SOX6: variants seen among roughly 807,000 people sequenced by gnomAD.
The protein encoded by SOX6 is transcription factor SOX-6.
In SOX6, 11 loss-of-function variants were observed where a neutral mutation model predicts 97.8. The observed-to-expected ratio is 0.11, with a 90% CI of 0.07 to 0.19. The LOEUF (loss-of-function observed/expected upper bound fraction) is 0.19, where lower values mean the gene tolerates loss of function less well. SOX6 is among the 10% of genes least tolerant of loss of function. The pLI is 1.00. For missense variants in SOX6, 810 were observed against 1,039.5 expected (o/e 0.78, Z 3.04); for synonymous variants, 360 against 371.4 (o/e 0.97, Z 0.35).
At chr11:16,690,251 C>T (rs1400273870) in intron 3 of SOX6, among the ~76,000 whole-genome samples, 1 of 152,184 alleles carries the variant, frequency 6.6e-6, no homozygotes, top group Non-Finnish European at 1.5e-5. Context: ...GTGTTTTTAT[C>T]TTCTCTGAGT....
At chr11:16,461,128 C>T (rs1167782459) in intron 1 of SOX6, among the ~76,000 whole-genome samples, 1 of 152,078 alleles carries the variant, frequency 6.6e-6, no homozygotes, top group African/African-American at 2.4e-5. Context: ...ACAATCATTT[C>T]CCTCTGACTT....
chr11:16,028,915 G>C (rs1358052942), intron 12 of SOX6, among the ~76,000 whole-genome samples: 2 of 152,182 alleles, frequency 1.3e-5, no homozygotes, highest in Admixed American at 1.3e-4. Flanking sequence ...ATTTTGGGTA[G>C]AGCTTTGTGT....
intron 3 of SOX6, among the ~76,000 whole-genome samples, chr11:16,259,302 T>C (rs1853800198): frequency 6.6e-6 from 1 of 152,022 alleles, no homozygotes; most frequent in African/African-American, 2.4e-5. Flanking sequence ...AATAAATAGA[T>C]GGACATATTC....
chr11:16,614,015 C>T (rs1409904013), intron 3 of SOX6, among the ~76,000 whole-genome samples: 2 of 152,144 alleles, frequency 1.3e-5, no homozygotes, highest in African/African-American at 4.8e-5. Context: ...GGAGTGAGAG[C>T]TAAAACTTCC....
intron 12 of SOX6, among the ~76,000 whole-genome samples, chr11:16,042,441 T>C (rs1855696551): frequency 6.6e-6 from 1 of 152,196 alleles, no homozygotes; most frequent in Non-Finnish European, 1.5e-5. Context: ...TGCTTCGCTG[T>C]TTTTATTTAT....
At chr11:16,273,706 T>C (rs1356736527) in intron 3 of SOX6, among the ~76,000 whole-genome samples, 1 of 151,970 alleles carries the variant, frequency 6.6e-6, no homozygotes, top group Non-Finnish European at 1.5e-5. Context: ...TAAAGAAAGA[T>C]GTCACATACG....
At chr11:16,618,463 TGTGA>T (rs760317800) in intron 3 of SOX6, among the ~76,000 whole-genome samples, 4 of 151,828 alleles carry the variant, frequency 2.6e-5, no homozygotes, top group African/African-American at 7.2e-5. Flanking sequence ...ATGAATACTA[TGTGA>T]GTATTTTTTT....
chr11:16,321,095 C>A (rs1031902466), intron 2 of SOX6, among the ~76,000 whole-genome samples: 1 of 152,088 alleles, frequency 6.6e-6, no homozygotes, highest in Non-Finnish European at 1.5e-5. Context: ...TCATTCTCCA[C>A]TTGTGTGAAT....
chr11:16,539,634 G>A (rs943671404), intron 4 of SOX6, among the ~76,000 whole-genome samples: 2 of 151,890 alleles, frequency 1.3e-5, no homozygotes, highest in African/African-American at 2.4e-5. Context: ...AATGATAAAG[G>A]GGATATCACC....
rs1450216946 is a variant in SOX6 at position 16,107,353 on chromosome 11, A to T, written c.898+4450T>A. Among the ~76,000 whole-genome samples the T allele has an allele frequency of 2.0e-5, 3 of 149,330 alleles. No individual in the cohort carries two copies. The East Asian group carries it at 5.8e-4, about 29-fold the overall frequency. On this transcript the variant is annotated intron_variant, in intron 7 of 15. Transcript: ENST00000683767. ...AGAAACAAACTAAGTGCCTATCAAC[A>T]GATGAACAGATAAACAAAATGTGAT...
At chr11:16,536,646 T>G (rs773059414) in intron 4 of SOX6, among the ~76,000 whole-genome samples, 3 of 152,170 alleles carry the variant, frequency 2.0e-5, no homozygotes, top group Non-Finnish European at 2.9e-5. Context: ...ACCAGGAGAT[T>G]CCCTCCCATG....
intron 2 of SOX6, among the ~76,000 whole-genome samples, chr11:16,326,276 A>T (rs1245199728): frequency 6.6e-6 from 1 of 152,038 alleles, no homozygotes; most frequent in Non-Finnish European, 1.5e-5. Flanking sequence ...ATTTGCCATG[A>T]TTTCCAGACC....
intron 3 of SOX6, among the ~76,000 whole-genome samples, chr11:16,299,481 AT>A (rs1264065150): frequency 6.6e-6 from 1 of 152,198 alleles, no homozygotes; most frequent in African/African-American, 2.4e-5. Flanking sequence ...GCTTCCCAAA[AT>A]CTGAAATACA....
At chr11:16,683,827 A>G (rs1847947457) in intron 3 of SOX6, among the ~76,000 whole-genome samples, 1 of 152,220 alleles carries the variant, frequency 6.6e-6, no homozygotes, top group South Asian at 2.1e-4. Context: ...AATTTTTGCA[A>G]TCTACCCATC....
chr11:16,542,416 A>G (rs1861422978), intron 4 of SOX6, among the ~76,000 whole-genome samples: 1 of 152,234 alleles, frequency 6.6e-6, no homozygotes, highest in South Asian at 2.1e-4. Flanking sequence ...ATACCTATGT[A>G]ACAAACCTGC....
intron 4 of SOX6, among the ~76,000 whole-genome samples, chr11:16,582,718 T>C (rs1359957911): frequency 6.6e-6 from 1 of 152,032 alleles, no homozygotes; most frequent in East Asian, 1.9e-4. Flanking sequence ...TAAATCTAGA[T>C]AAAATAGTGG....
In SOX6 at chr11:16,640,889, T is replaced by C. The variant is rs576494482; in HGVS notation, n.430-28629A>G. On this transcript the variant is annotated intron_variant and non_coding_transcript_variant, in intron 3 of 5. Coordinates refer to the SOX6 transcript ENST00000524520. ...CCTGGATTCATTGATTTTTTAAGGG[T>C]TTTTTGTGTCTCTATCTCCTTCAGC... is the stretch of plus-strand genomic sequence containing the variant. Among the ~76,000 whole-genome samples the C allele has an allele frequency of 2.4e-4, 36 of 152,234 alleles. No individual in the cohort carries two copies. In the East Asian group the frequency reaches 6.6e-3, roughly 28 times the overall value.
intron 4 of SOX6, among the ~76,000 whole-genome samples, chr11:16,495,642 A>G (rs1011865904): frequency 6.6e-6 from 1 of 152,194 alleles, no homozygotes; most frequent in African/African-American, 2.4e-5. Flanking sequence ...GTTGTGAGCC[A>G]AAAGGTTGTT....
At chr11:16,708,111 GA>G (rs1848150944) in intron 3 of SOX6, among the ~76,000 whole-genome samples, 1 of 152,078 alleles carries the variant, frequency 6.6e-6, no homozygotes, top group Non-Finnish European at 1.5e-5. Flanking sequence ...TTATAGTTTG[GA>G]AAGGGGAAAC....
Sources: gnomAD v4.1 joint callset for allele counts (sites outside exome capture counted in the v4.1 genomes callset) on GRCh38, gnomAD v4.1.1 for gene constraint, MANE v1.5 for transcripts, NCBI Gene and HGNC (gene_info 2026-07-23, HGNC 2026-07-21) for gene names.